Variants in IMMP2L observed in about 807,000 individuals in gnomAD.
The protein encoded by IMMP2L is inner mitochondrial membrane peptidase subunit 2, also known as mitochondrial inner membrane protease subunit 2.
Under a neutral mutation model 19.3 loss-of-function variants are expected in IMMP2L, and 18 were observed. The ratio of observed to expected loss-of-function variants is 0.93; its 90% CI spans 0.64 to 1.38. The LOEUF (loss-of-function observed/expected upper bound fraction) is 1.38, where lower values mean the gene tolerates loss of function less well. Among genes scored for constraint, IMMP2L ranks in the 40% most tolerant of loss-of-function variants. IMMP2L has a pLI of 0.00. For synonymous variants in IMMP2L, 76 were observed against 73.0 expected (o/e 1.04, Z -0.21); for missense variants, 233 against 218.2 (o/e 1.07, Z -0.43).
intron 3 of IMMP2L, among the ~76,000 whole-genome samples, chr7:111,284,417 A>G (rs934724696): frequency 6.6e-6 from 1 of 152,170 alleles, no homozygotes; most frequent in African/African-American, 2.4e-5. Context: ...AAACGAAGCC[A>G]GCATTTGGAG....
chr7:110,812,805 G>C (rs77344754), intron 5 of IMMP2L, among the ~76,000 whole-genome samples: 1 of 151,676 alleles, frequency 6.6e-6, no homozygotes, highest in Non-Finnish European at 1.5e-5. Flanking sequence ...CACTCATTTC[G>C]TTTTTCATTT....
intron 3 of IMMP2L, among the ~76,000 whole-genome samples, chr7:111,196,903 G>C (rs1809562404): frequency 6.6e-6 from 1 of 152,082 alleles, no homozygotes; most frequent in Non-Finnish European, 1.5e-5. Context: ...TGACTCACTG[G>C]TTCTCAGAGC....
chr7:111,376,047 T>C (rs1830652437), intron 3 of IMMP2L, among the ~76,000 whole-genome samples: 2 of 152,148 alleles, frequency 1.3e-5, no homozygotes, highest in Non-Finnish European at 2.9e-5. Context: ...CACAATTTAC[T>C]AGCTCTGTGA....
chr7:110,672,041 A>G (rs1791957982), intron 5 of IMMP2L, among the ~76,000 whole-genome samples: 2 of 152,166 alleles, frequency 1.3e-5, no homozygotes, highest in Non-Finnish European at 2.9e-5. Flanking sequence ...AAACAAAAAA[A>G]GATTTTCAGA....
intron 3 of IMMP2L, among the ~76,000 whole-genome samples, chr7:111,356,939 A>G (rs570051024): frequency 1.4e-5 from 2 of 138,966 alleles, no homozygotes; most frequent in East Asian, 3.9e-4. Context: ...AGGCAGGAGA[A>G]GCGCTTGAAC....
chr7:111,524,121 A>G (rs1300983898), intron 1 of IMMP2L, among the ~76,000 whole-genome samples: 2 of 152,094 alleles, frequency 1.3e-5, no homozygotes, highest in Non-Finnish European at 2.9e-5. Flanking sequence ...ATTTTCCTCA[A>G]TATTAGATTT....
chr7:111,017,281 C>G lies in IMMP2L; in HGVS notation c.240-53716G>C, dbSNP rs575355266. On this transcript the variant is annotated intron_variant, in intron 3 of 5. Transcript: ENST00000405709. ...GTCTCATCATGTTGCCCAGGCTGTT[C>G]TCACACTCCTAGGCTCAAGTGATCC... Among the ~76,000 whole-genome samples the G allele has an allele frequency of 4.6e-5, 7 of 151,714 alleles. No homozygotes were observed. In the South Asian group the frequency reaches 8.3e-4, roughly 18 times the overall value.
chr7:111,228,260 G>C (rs1175371125), intron 3 of IMMP2L, among the ~76,000 whole-genome samples: 1 of 151,698 alleles, frequency 6.6e-6, no homozygotes, highest in African/African-American at 2.4e-5. Context: ...AGGCTGTCAA[G>C]GTGGGGACAG....
rs192043969 is a variant in IMMP2L, at chr7:110,953,535, A to G, written c.305+9965T>C. Among the ~76,000 whole-genome samples the G allele has an allele frequency of 4.3e-3, 651 of 152,188 alleles. 4 individuals carry two copies. The highest frequency in any genetic ancestry group is 0.015 in the African/African-American group (627 of 41,538). The stretch of plus-strand genomic sequence containing the variant: ...ATGGCTGCATAGCATTCCATGGTGT[A>G]TATGTGCCACATTTTCTTAATTCAG... On this transcript the variant is annotated intron_variant, in intron 4 of 5. Coordinates refer to ENST00000405709, the MANE Select transcript of IMMP2L (RefSeq NM_032549.4).
Position 111,491,028 on chromosome 7 carries a change from G to A in IMMP2L, c.136-3687C>T, listed in dbSNP as rs77397499. On this transcript the variant is annotated intron_variant, in intron 2 of 5. Coordinates refer to ENST00000405709, the MANE Select transcript of IMMP2L (RefSeq NM_032549.4). ...ACATCTGCCACCCCTGAGACAGTAA[G>A]ACTAACTCCTCTTCTTTCTCCTCCT... Among the ~76,000 whole-genome samples, 141 of 151,994 alleles carry A rather than the reference G, an allele frequency of 9.3e-4. 1 individual carries two copies. In the East Asian group the frequency reaches 0.023, roughly 25 times the overall value.
chr7:110,691,600 A>T (rs1043270351), intron 5 of IMMP2L, among the ~76,000 whole-genome samples: 11 of 152,166 alleles, frequency 7.2e-5, no homozygotes, highest in Admixed American at 7.2e-4. Flanking sequence ...AAGAAACTCA[A>T]ACAAATTAGC....
At chr7:111,363,767 A>C (rs1330474503) in intron 3 of IMMP2L, among the ~76,000 whole-genome samples, 2 of 152,086 alleles carry the variant, frequency 1.3e-5, no homozygotes, top group Non-Finnish European at 2.9e-5. Flanking sequence ...TATAAGGACA[A>C]GATTACCTGA....
chr7:110,687,978 A>G (rs534363510), intron 5 of IMMP2L, among the ~76,000 whole-genome samples: 2 of 151,168 alleles, frequency 1.3e-5, no homozygotes, highest in Non-Finnish European at 3.0e-5. Context: ...GAGCCATCAT[A>G]TAAGAAGTAT....
chr7:111,346,941 T>C (rs982900776), intron 3 of IMMP2L, among the ~76,000 whole-genome samples: 1 of 152,014 alleles, frequency 6.6e-6, no homozygotes, highest in Admixed American at 6.6e-5. Context: ...CTCATAGAGA[T>C]GCTGGCAAAA....
intron 1 of IMMP2L, among the ~76,000 whole-genome samples, chr7:111,539,216 A>G (rs1263469492): frequency 2.0e-5 from 2 of 100,900 alleles, no homozygotes; most frequent in Non-Finnish European, 4.1e-5. Flanking sequence ...GAAAGAAAGA[A>G]AGAAAGAAAG....
chr7:111,209,265 C>T (rs1044870789), intron 3 of IMMP2L, among the ~76,000 whole-genome samples: 1 of 151,982 alleles, frequency 6.6e-6, no homozygotes, highest in African/African-American at 2.4e-5. Context: ...CGCATGGTGG[C>T]ACGCACCTGT....
At chr7:110,963,769 G>GA (rs991202285) in intron 3 of IMMP2L, among the ~76,000 whole-genome samples, 2 of 151,852 alleles carry the variant, frequency 1.3e-5, no homozygotes, top group South Asian at 2.1e-4. Flanking sequence ...CTCTGGGGGG[G>GA]AAAAAAGCCA....
chr7:110,826,411 A>T (rs56293409), intron 5 of IMMP2L, among the ~76,000 whole-genome samples: 13,297 of 152,204 alleles, frequency 0.087, 883 homozygotes, highest in African/African-American at 0.18. Context: ...GGCACTATTC[A>T]CAATAGCAAA....
intron 3 of IMMP2L, among the ~76,000 whole-genome samples, chr7:111,073,445 A>T (rs1186934248): frequency 1.3e-5 from 2 of 152,180 alleles, no homozygotes; most frequent in African/African-American, 4.8e-5. Context: ...TTAAAAATTT[A>T]AAAAGTAGTA....
Sources: allele counts gnomAD v4.1 joint callset (sites outside exome capture counted in the v4.1 genomes callset), GRCh38; gene constraint gnomAD v4.1.1; transcripts MANE v1.5; gene names NCBI Gene and HGNC (gene_info 2026-07-23, HGNC 2026-07-21).